ATAD2: variants seen among roughly 807,000 people sequenced by gnomAD.
The protein encoded by ATAD2 is ATPase family AAA domain containing 2.
ATAD2 carries 62 observed loss-of-function variants against 168.9 expected under a neutral mutation model. The ratio of observed to expected loss-of-function variants is 0.37; its 90% CI spans 0.30 to 0.45. The LOEUF (loss-of-function observed/expected upper bound fraction) is 0.45, where lower values mean the gene tolerates loss of function less well. ATAD2 is among the 20% of genes least tolerant of loss of function. The pLI, the probability that ATAD2 is intolerant of heterozygous loss-of-function variation, is 1.00. For missense variants in ATAD2, 1,419 were observed against 1,667.8 expected, an observed-to-expected ratio of 0.85 and a Z score of 2.60; for synonymous variants, 613 against 571.6, an observed-to-expected ratio of 1.07 and a Z score of -1.03.
intron 8 of ATAD2, among the ~76,000 whole-genome samples, chr8:123,362,051 G>C (rs1214559594): frequency 6.6e-6 from 1 of 152,156 alleles, no homozygotes; most frequent in East Asian, 1.9e-4. Context: ...TCACTTGACA[G>C]GTGTTCAAGC....
At chr8:123,401,268 C>G (rs1586912810), upstream of ATAD2, 5 of 1,025,186 alleles carry the variant, frequency 4.9e-6, no homozygotes, top group East Asian at 7.1e-5. Context: ...AGAACCGAGA[C>G]TACCCTGTGG....
intron 18 of ATAD2, 133 bp downstream of exon 18, chr8:123,345,953 T>C: frequency 1.6e-6 from 1 of 629,716 alleles, no homozygotes; most frequent in Non-Finnish European, 2.5e-6. Context: ...TAAGCAATCA[T>C]GCATAACTCT....
chr8:123,370,381 A>T (rs1829115318), intron 6 of ATAD2, among the ~76,000 whole-genome samples: 1 of 152,074 alleles, frequency 6.6e-6, no homozygotes, highest in Admixed American at 6.6e-5. Flanking sequence ...TAACTTTTTG[A>T]CAAGTTTTCA....
chr8:123,373,682 A>G (rs1199382293), intron 2 of ATAD2, among the ~76,000 whole-genome samples: 2 of 151,490 alleles, frequency 1.3e-5, no homozygotes, highest in Non-Finnish European at 2.9e-5. Flanking sequence ...CCAGATACTC[A>G]GAAGGCTGAG....
At chr8:123,407,163 T>A (rs1813079060) in intron 1 of ATAD2, among the ~76,000 whole-genome samples, 1 of 152,174 alleles carries the variant, frequency 6.6e-6, no homozygotes, top group Admixed American at 6.5e-5. Context: ...GAGAGAAGCA[T>A]GGAACAGATT....
At chr8:123,398,519 C>T (rs1221363850), upstream of ATAD2, among the ~76,000 whole-genome samples, 1 of 151,546 alleles carries the variant, frequency 6.6e-6, no homozygotes, top group Non-Finnish European at 1.5e-5. Context: ...GCGTGAGCTA[C>T]CGTCCCCAGG....
intron 22 of ATAD2, among the ~76,000 whole-genome samples, chr8:123,334,877 G>A (rs1827872522): frequency 6.6e-6 from 1 of 152,160 alleles, no homozygotes; most frequent in Admixed American, 6.6e-5. Flanking sequence ...ACTCCTCAAA[G>A]GACAAGAGAT....
At chr8:123,364,296 G>C (rs75286777) in intron 8 of ATAD2, among the ~76,000 whole-genome samples, 4,187 of 152,154 alleles carry the variant, frequency 0.028, 170 homozygotes, top group African/African-American at 0.095. Context: ...AGCCTAGACA[G>C]TCCTAGTCAT....
rs1347687620 is a variant in ATAD2 at position 123,333,908 on chromosome 8, G to A, written c.3448C>T (p.Pro1150Ser). The A allele has an allele frequency of 1.2e-6, 2 of 1,614,056 alleles. No individual in the cohort carries two copies. The highest frequency in any genetic ancestry group is 1.7e-6 in the Non-Finnish European group (2 of 1,179,960). Residue 1150 changes from proline (P) to serine (S), a missense_variant, in exon 24 of 28, where the codon CCG becomes TCG. Pro to Ser is a moderately conservative substitution (Grantham distance 74). Around this residue, in one of 5 missense-constraint regions of ATAD2, gnomAD observed 303 missense variants for 304.3 expected, o/e 1.00. Coordinates refer to ENST00000287394, the MANE Select transcript of ATAD2 (RefSeq NM_014109.4). ...DPEQNEKLKT[P>S]STPVACSTPA... The stretch of plus-strand genomic sequence containing the variant: ...GTGCTGCAAGCCACAGGAGTACTCG[G>A]TGTCTTTAGCTTTTCATTCTGCTCT...
At chr8:123,331,560 A>G (rs1315610005) in intron 24 of ATAD2, among the ~76,000 whole-genome samples, 1 of 152,190 alleles carries the variant, frequency 6.6e-6, no homozygotes, top group African/African-American at 2.4e-5. Flanking sequence ...ATTGTTTACA[A>G]TGGTCCTTAT....
At chr8:123,358,257 T>C (rs1383479571) in intron 11 of ATAD2, among the ~76,000 whole-genome samples, 1 of 152,204 alleles carries the variant, frequency 6.6e-6, no homozygotes, top group African/African-American at 2.4e-5. Flanking sequence ...CATAGCTCAC[T>C]ACAACCTCAA....
At chr8:123,376,904 C>T (rs549385896) in intron 2 of ATAD2, among the ~76,000 whole-genome samples, 29 of 151,720 alleles carry the variant, frequency 1.9e-4, no homozygotes, top group Middle Eastern at 3.4e-3. Context: ...ACCAGTCTGG[C>T]CAACATGGTG....
At chr8:123,328,635 C>A in intron 24 of ATAD2, 56 bp from the exon 25 acceptor site, 2 of 1,468,292 alleles carry the variant, frequency 1.4e-6, no homozygotes, top group East Asian at 2.3e-5. Context: ...TTCTGAAATT[C>A]AAAGAGTGAA....
At chr8:123,379,884 A>AT (rs1268109846) in intron 2 of ATAD2, among the ~76,000 whole-genome samples, 2 of 127,166 alleles carry the variant, frequency 1.6e-5, no homozygotes, top group Non-Finnish European at 3.4e-5. Context: ...TATTATTATT[A>AT]TTATTATTTT....
chr8:123,411,023 G>C (rs1813146786), intron 1 of ATAD2, among the ~76,000 whole-genome samples: 1 of 152,162 alleles, frequency 6.6e-6, no homozygotes, highest in Non-Finnish European at 1.5e-5. Context: ...CATGGCCCAA[G>C]ATTCCATTCC....
intron 26 of ATAD2, among the ~76,000 whole-genome samples, chr8:123,324,520 C>T (rs959416001): frequency 2.0e-5 from 3 of 152,038 alleles, no homozygotes; most frequent in African/African-American, 7.2e-5. Context: ...GAGATAAGAC[C>T]GTTGTTTAGG....
intron 23 of ATAD2, 53 bp from the exon 24 acceptor site, chr8:123,334,074 AT>A: frequency 1.3e-6 from 2 of 1,582,402 alleles, no homozygotes; most frequent in South Asian, 2.3e-5. Context: ...TCAAAATTAC[AT>A]GAAGGATTAA....
intron 13 of ATAD2, among the ~76,000 whole-genome samples, chr8:123,354,459 A>C (rs1362509729): frequency 6.6e-6 from 1 of 152,094 alleles, no homozygotes; most frequent in Non-Finnish European, 1.5e-5. Flanking sequence ...TAATCCCAGC[A>C]CTTTGGGAGG....
intron 16 of ATAD2, 60 bp from the exon 17 acceptor site, chr8:123,346,810 C>T: frequency 6.9e-7 from 1 of 1,458,164 alleles, no homozygotes; most frequent in Admixed American, 2.4e-5. Context: ...ATCTTTATTG[C>T]TTCAGTTACC....
Sources: allele counts gnomAD v4.1 joint callset (sites outside exome capture counted in the v4.1 genomes callset), GRCh38; gene constraint gnomAD v4.1.1; regional missense constraint gnomAD v4.1.1; transcripts MANE v1.5; gene names NCBI Gene and HGNC (gene_info 2026-07-23, HGNC 2026-07-21).